The following KLHL1 variants were observed in gnomAD, a reference collection of about 807,000 sequenced individuals.
KLHL1 encodes the protein kelch like family member 1, also known as kelch-like protein 1.
A neutral mutation model predicts 77.7 loss-of-function variants in KLHL1; 47 were observed. The observed-to-expected ratio is 0.60, with a 90% CI of 0.48 to 0.77. KLHL1 has a LOEUF of 0.77. KLHL1 is among the 30% of genes least tolerant of loss of function. The pLI, the probability that KLHL1 is intolerant of heterozygous loss-of-function variation, is 0.00. For missense variants in KLHL1, 925 were observed against 910.8 expected, an observed-to-expected ratio of 1.02 and a Z score of -0.20; for synonymous variants, 360 against 325.2, an observed-to-expected ratio of 1.11 and a Z score of -1.15.
At chr13:69,975,312 C>T (rs1372958799) in intron 2 of KLHL1, among the ~76,000 whole-genome samples, 3 of 152,042 alleles carry the variant, frequency 2.0e-5, no homozygotes, top group African/African-American at 7.2e-5. Context: ...GTGAATCCCA[C>T]AGTCCCAGAT....
intron 3 of KLHL1, among the ~76,000 whole-genome samples, chr13:69,956,326 C>T (rs1349883125): frequency 1.3e-5 from 2 of 150,420 alleles, no homozygotes; most frequent in African/African-American, 2.4e-5. Context: ...AGGCATAGTA[C>T]ATAGTAGACA....
intron 5 of KLHL1, among the ~76,000 whole-genome samples, chr13:69,867,818 C>A (rs1254880397): frequency 1.6e-5 from 2 of 124,358 alleles, no homozygotes; most frequent in Non-Finnish European, 3.1e-5. Flanking sequence ...CACGTGGACA[C>A]AGGAAGGGGA....
intron 4 of KLHL1, among the ~76,000 whole-genome samples, chr13:69,916,974 T>C (rs1483614350): frequency 6.6e-6 from 1 of 151,888 alleles, no homozygotes; most frequent in African/African-American, 2.4e-5. Flanking sequence ...TTGAGTAAAG[T>C]ATAAGAAAAA....
chr13:69,719,197 TGTGTGTGTGTGTGAGAGA>T (rs1417189128), intron 9 of KLHL1, among the ~76,000 whole-genome samples, 154 bp downstream of exon 9: 365 of 23,258 alleles, frequency 0.016, 1 homozygote, highest in East Asian at 0.03. Flanking sequence ...TGTGTGTGTG[TGTGTGTGTGTGTGAGAGA>T]GAGAGAGAGA....
At chr13:69,795,761 G>C (rs1409697528) in intron 7 of KLHL1, among the ~76,000 whole-genome samples, 1 of 152,054 alleles carries the variant, frequency 6.6e-6, no homozygotes, top group Non-Finnish European at 1.5e-5. Flanking sequence ...ATCGAGATCC[G>C]AATCCAGGTA....
At chr13:69,997,079 G>T (rs1393995939) in intron 1 of KLHL1, among the ~76,000 whole-genome samples, 2 of 151,082 alleles carry the variant, frequency 1.3e-5, no homozygotes, top group African/African-American at 2.4e-5. Flanking sequence ...AAATTAGCTG[G>T]ATGTGGTGGC....
intron 1 of KLHL1, among the ~76,000 whole-genome samples, chr13:70,056,610 A>G (rs1344809112): frequency 6.6e-6 from 1 of 152,180 alleles, no homozygotes; most frequent in Non-Finnish European, 1.5e-5. Flanking sequence ...AAAAATTGAA[A>G]CTTTATCAGG....
chr13:69,718,723 A>G (rs1872889389), intron 9 of KLHL1, among the ~76,000 whole-genome samples: 1 of 152,102 alleles, frequency 6.6e-6, no homozygotes, highest in African/African-American at 2.4e-5. Context: ...CCTGTGCCAG[A>G]AGTCTCTGCA....
At chr13:70,047,282 A>G (rs575497778) in intron 1 of KLHL1, among the ~76,000 whole-genome samples, 1 of 148,558 alleles carries the variant, frequency 6.7e-6, no homozygotes, top group East Asian at 2.0e-4. Context: ...GGTTAACTGA[A>G]AAAAAAAAAA....
chr13:70,107,866 C>A lies in KLHL1; in HGVS notation c.-167G>T, dbSNP rs1888114200. On this transcript the variant is annotated 5_prime_UTR_variant, in exon 1 of 11. Transcript: ENST00000377844. ...GGCTGCGCGCTCTGCCAGGCGAAGGCTGGAGCGCAGACGGCAAAGCCGCGC... is the reference window on the plus strand; with the variant it reads ...GGCTGCGCGCTCTGCCAGGCGAAGGATGGAGCGCAGACGGCAAAGCCGCGC... 3.5e-6 allele frequency: 2 copies of A among 578,472 alleles called. No homozygotes were observed. The highest frequency in any genetic ancestry group is 5.8e-6 in the Non-Finnish European group (2 of 344,410). The allele number at this position is 578,472 out of a possible 1,614,324, so 35.8% of individuals were successfully genotyped here.
chr13:69,848,281 G>A (rs1045150548), intron 5 of KLHL1, among the ~76,000 whole-genome samples: 4 of 151,488 alleles, frequency 2.6e-5, no homozygotes, highest in South Asian at 2.1e-4. Flanking sequence ...ACCAAAGCTC[G>A]TAGCACTTCA....
chr13:70,075,173 A>G (rs656920), intron 1 of KLHL1, among the ~76,000 whole-genome samples: 107,817 of 151,680 alleles, frequency 0.71, 38,514 homozygotes, highest in East Asian at 0.88. Context: ...CTTCATAGGG[A>G]AGAGATGTAT....
At chr13:69,826,737 C>A (rs913608246) in intron 6 of KLHL1, among the ~76,000 whole-genome samples, 9 of 151,538 alleles carry the variant, frequency 5.9e-5, no homozygotes, top group Admixed American at 2.0e-4. Context: ...ATATATAAAA[C>A]CCTTATTTTT....
At chr13:69,866,540 T>C (rs998385073) in intron 5 of KLHL1, among the ~76,000 whole-genome samples, 4 of 152,082 alleles carry the variant, frequency 2.6e-5, no homozygotes, top group African/African-American at 9.7e-5. Context: ...CTTCAATAGA[T>C]TTTACTTGGA....
intron 1 of KLHL1, among the ~76,000 whole-genome samples, chr13:69,998,528 T>G (rs1195702664): frequency 1.3e-5 from 2 of 152,076 alleles, no homozygotes; most frequent in East Asian, 3.9e-4. Context: ...AAATTGTATA[T>G]CTGAGAAAGA....
At chr13:69,956,050 T>C in intron 3 of KLHL1, among the ~76,000 whole-genome samples, 1 of 120,292 alleles carries the variant, frequency 8.3e-6, no homozygotes, top group South Asian at 2.7e-4. Context: ...ATATATTTGA[T>C]ATATATATTT....
chr13:69,796,511 T>G (rs1877113339), intron 7 of KLHL1, among the ~76,000 whole-genome samples: 1 of 152,156 alleles, frequency 6.6e-6, no homozygotes. Context: ...ATGGCCTCCC[T>G]TTGCCTTCTG....
At chr13:69,990,360 A>G (rs1283809202) in intron 1 of KLHL1, among the ~76,000 whole-genome samples, 3 of 152,068 alleles carry the variant, frequency 2.0e-5, no homozygotes, top group Admixed American at 2.0e-4. Context: ...GTTCCAATTA[A>G]AAGGCAAAGA....
At chr13:69,731,264 G>T (rs1445241475) in intron 8 of KLHL1, among the ~76,000 whole-genome samples, 2 of 152,112 alleles carry the variant, frequency 1.3e-5, no homozygotes, top group Non-Finnish European at 2.9e-5. Context: ...GGAGTGAGAA[G>T]CAGAAGGTAA....
Sources: allele counts gnomAD v4.1 joint callset (sites outside exome capture counted in the v4.1 genomes callset), GRCh38; gene constraint gnomAD v4.1.1; transcripts MANE v1.5; gene names NCBI Gene and HGNC (gene_info 2026-07-23, HGNC 2026-07-21).